The following STAU2 variants were observed in gnomAD, a reference collection of about 807,000 sequenced individuals.
The protein encoded by STAU2 is staufen double-stranded RNA binding protein 2.
STAU2 carries 20 observed loss-of-function variants against 65.9 expected under a neutral mutation model. That is an observed-to-expected ratio of 0.30 (90% CI 0.21 to 0.44). The LOEUF (loss-of-function observed/expected upper bound fraction) is 0.44. STAU2 is among the 20% of genes least tolerant of loss of function. The probability of loss-of-function intolerance (pLI) is 1.00; values close to 1 mark genes in which losing one functional copy is unlikely to be tolerated. For missense variants in STAU2, 558 were observed against 683.9 expected (o/e 0.82, Z 2.05); for synonymous variants, 232 against 233.9 (o/e 0.99, Z 0.07).
At chr8:73,523,745 C>T (rs1361142382) in intron 13 of STAU2, among the ~76,000 whole-genome samples, 3 of 152,092 alleles carry the variant, frequency 2.0e-5, no homozygotes, top group African/African-American at 4.8e-5. Flanking sequence ...CAGTGAGACT[C>T]GGACACAACT....
At chr8:73,614,041 C>A in intron 8 of STAU2, 85 bp from the exon 9 acceptor site, 1 of 1,048,832 alleles carries the variant, frequency 9.5e-7, no homozygotes, top group Non-Finnish European at 1.3e-6. Flanking sequence ...ATATCAAAAC[C>A]AAAATTAGTA....
intron 13 of STAU2, among the ~76,000 whole-genome samples, chr8:73,450,379 C>T (rs1463144258): frequency 6.6e-6 from 1 of 152,080 alleles, no homozygotes; most frequent in Non-Finnish European, 1.5e-5. Flanking sequence ...ATAAGTTTCA[C>T]CCGATTGCCA....
In STAU2 at chr8:73,498,462, C is replaced by CT. The variant is rs935375024; in HGVS notation, c.1530+53549dup. Reference sequence around the variant, plus strand: ...TACATTTAGTAGGTATGCATGTTTACTTTTTTTTTTGCTAGAAAACTTTTA... The same window carrying CT: ...TACATTTAGTAGGTATGCATGTTTACTTTTTTTTTTTGCTAGAAAACTTTTA... On this transcript the variant is annotated intron_variant, in intron 13 of 14. Coordinates refer to ENST00000524300, the MANE Select transcript of STAU2 (RefSeq NM_001164380.2). 1.1e-3 allele frequency among the ~76,000 whole-genome samples: 168 copies of CT among 148,138 alleles called. 2 individuals carry two copies. The East Asian group carries it at 0.023, about 20-fold the overall frequency.
chr8:73,663,630 C>CA (rs57173658), intron 6 of STAU2, among the ~76,000 whole-genome samples: 458 of 140,624 alleles, frequency 3.3e-3, no homozygotes, highest in South Asian at 0.01. Context: ...TTAATTTTAC[C>CA]AAAAAAAAAA....
chr8:73,431,895 G>A (rs1357001569), intron 13 of STAU2, among the ~76,000 whole-genome samples: 3 of 152,280 alleles, frequency 2.0e-5, no homozygotes, highest in Admixed American at 6.5e-5. Flanking sequence ...AGTTTGTAAC[G>A]ACAATGTAGC....
chr8:73,476,402 A>G (rs1243340108), intron 13 of STAU2, among the ~76,000 whole-genome samples: 3 of 152,186 alleles, frequency 2.0e-5, no homozygotes, highest in African/African-American at 7.2e-5. Flanking sequence ...GTATTTACCC[A>G]TGTCCATTCT....
At chr8:73,457,680 A>AT (rs1819141740) in intron 13 of STAU2, among the ~76,000 whole-genome samples, 1 of 152,202 alleles carries the variant, frequency 6.6e-6, no homozygotes, top group Non-Finnish European at 1.5e-5. Flanking sequence ...CTTTGGTGTA[A>AT]TATTTGTATT....
At position 73,560,142 on chromosome 8, in the gene STAU2, G is replaced by A. The variant is rs531290835; in HGVS notation, c.1223-7823C>T. 1.9e-4 allele frequency among the ~76,000 whole-genome samples: 27 copies of A among 142,968 alleles called. No homozygotes were observed. In the South Asian group the frequency reaches 2.9e-3, roughly 15 times the overall value. 93.8% of individuals were successfully genotyped at this position (142,968 alleles called of 152,430 possible). On this transcript the variant is annotated intron_variant, in intron 12 of 14. Transcript: ENST00000524300. Reference sequence around the variant, plus strand: ...GTCCCCCAGGCTGGAGTGCAGTGGCGCCATCTCGGCTCACTGCAAGCTCTG... The same window carrying A: ...GTCCCCCAGGCTGGAGTGCAGTGGCACCATCTCGGCTCACTGCAAGCTCTG...
intron 11 of STAU2, among the ~76,000 whole-genome samples, chr8:73,589,624 C>G (rs562675856): frequency 6.6e-6 from 1 of 152,096 alleles, no homozygotes; most frequent in South Asian, 2.1e-4. Flanking sequence ...AGACTGCACA[C>G]AGCTGAAGAA....
intron 13 of STAU2, among the ~76,000 whole-genome samples, chr8:73,455,007 G>C (rs1818987759): frequency 6.6e-6 from 1 of 152,166 alleles, no homozygotes; most frequent in Non-Finnish European, 1.5e-5. Context: ...CTCATGCTTA[G>C]AGATAGGATT....
chr8:73,721,116 CA>C (rs1159562570), intron 3 of STAU2, among the ~76,000 whole-genome samples: 646 of 43,668 alleles, frequency 0.015, 6 homozygotes, highest in South Asian at 0.025. Context: ...CCCAACACTA[CA>C]AAAAAAAAAA....
chr8:73,635,107 T>C (rs778052988), intron 6 of STAU2, among the ~76,000 whole-genome samples: 1 of 152,160 alleles, frequency 6.6e-6, no homozygotes, highest in Non-Finnish European at 1.5e-5. Flanking sequence ...TAAATGTCCA[T>C]GAATACAGGA....
At chr8:73,550,262 T>C (rs186809743) in intron 13 of STAU2, 277 of 985,298 alleles carry the variant, frequency 2.8e-4, no homozygotes, top group Middle Eastern at 5.2e-4. Flanking sequence ...AGCATAAGCT[T>C]TTTAAAAAGG....
rs888463523 is a variant in STAU2, at chr8:73,551,704, C to A, written c.1530+308G>T. ...GAATTTTTGTTTGTGGAAGACAGAGCGAAGAGATAGATGCACCTAATCAAG... is the reference window on the plus strand; with the variant it reads ...GAATTTTTGTTTGTGGAAGACAGAGAGAAGAGATAGATGCACCTAATCAAG... On this transcript the variant is annotated intron_variant, in intron 13 of 14. Coordinates refer to ENST00000524300, the MANE Select transcript of STAU2 (RefSeq NM_001164380.2). The A allele has an allele frequency of 3.9e-6, 4 of 1,031,620 alleles. No individual in the cohort carries two copies. In the South Asian group the frequency reaches 1.8e-4, roughly 47 times the overall value. The allele number at this position is 1,031,620 out of a possible 1,614,324, so 63.9% of individuals were successfully genotyped here.
chr8:73,535,460 C>A (rs1806121269), intron 13 of STAU2, among the ~76,000 whole-genome samples: 1 of 152,222 alleles, frequency 6.6e-6, no homozygotes. Context: ...TGAGCCACCG[C>A]CCCTGGCCGT....
intron 6 of STAU2, among the ~76,000 whole-genome samples, chr8:73,637,463 T>TTAAAAAAAAAAAAAAAA (rs1563473627): frequency 1.2e-4 from 7 of 56,580 alleles, no homozygotes; most frequent in African/African-American, 4.3e-4. Context: ...AAAGTCTTTA[T>TTAAAAAAAAAAAAAAAA]AAAGTGCTGA....
At position 73,534,295 on chromosome 8, in the gene STAU2, A is replaced by T. The variant is rs1403878414; in HGVS notation, c.1530+17717T>A. Reference sequence around the variant, plus strand: ...TTGATTTTCGCAACGTCTGCACCTCAGTTGTACAAAGTTGTACAAATAAAG... The same window carrying T: ...TTGATTTTCGCAACGTCTGCACCTCTGTTGTACAAAGTTGTACAAATAAAG... On this transcript the variant is annotated intron_variant, in intron 13 of 14. Coordinates refer to ENST00000524300, the MANE Select transcript of STAU2 (RefSeq NM_001164380.2). Among the ~76,000 whole-genome samples the T allele has an allele frequency of 2.6e-5, 4 of 152,224 alleles. No individual in the cohort carries two copies. The East Asian group carries it at 7.7e-4, about 29-fold the overall frequency.
intron 5 of STAU2, among the ~76,000 whole-genome samples, chr8:73,681,429 C>T (rs1233547199): frequency 6.6e-6 from 1 of 152,012 alleles, no homozygotes; most frequent in Non-Finnish European, 1.5e-5. Context: ...AGAGAATTTG[C>T]CACTATCAAG....
chr8:73,633,963 G>A (rs1814301226), intron 6 of STAU2, among the ~76,000 whole-genome samples: 1 of 151,938 alleles, frequency 6.6e-6, no homozygotes. Flanking sequence ...GAGTGACAAA[G>A]CGAGACTCCA....
Sources: allele counts gnomAD v4.1 joint callset (sites outside exome capture counted in the v4.1 genomes callset), GRCh38; gene constraint gnomAD v4.1.1; transcripts MANE v1.5; gene names NCBI Gene and HGNC (gene_info 2026-07-23, HGNC 2026-07-21).